LRRC66: variants seen among roughly 807,000 people sequenced by gnomAD.
LRRC66 encodes the protein leucine rich repeat containing 66, also known as leucine-rich repeat-containing protein 66.
A neutral mutation model predicts 24.6 loss-of-function variants in LRRC66; 29 were observed. That is an observed-to-expected ratio of 1.18 (90% CI 0.88 to 1.61). The LOEUF (loss-of-function observed/expected upper bound fraction) is 1.61, where lower values mean the gene tolerates loss of function less well. Among genes scored for constraint, LRRC66 ranks in the 40% most tolerant of loss-of-function variants. The probability of loss-of-function intolerance (pLI) is 0.00; values close to 1 mark genes in which losing one functional copy is unlikely to be tolerated. For missense variants in LRRC66, 1,124 were observed against 1,058.0 expected, an observed-to-expected ratio of 1.06 and a Z score of -0.87; for synonymous variants, 411 against 397.6, an observed-to-expected ratio of 1.03 and a Z score of -0.40.
In LRRC66 at chr4:52,003,255, G is replaced by T. The variant is rs773062477; in HGVS notation, c.634C>A (p.Pro212Thr). ...TTTTTGAGGTCCTTGAAGGCTTGTG[G>T]GGGAATTTTGAATATCTTGTTGCTC... The part of the protein sequence containing the change: ...LKSNKIFKIP[P>T]QAFKDLKKLQ... The change falls in exon 3 of 5, where the codon CCA (proline) becomes ACA (threonine). Residue 212 changes from proline (P) to threonine (T), a missense_variant. By Grantham distance (38) the Pro-to-Thr change is conservative. Coordinates refer to ENST00000682860, the MANE Select transcript of LRRC66 (RefSeq NM_001024611.3). 16 of 1,613,116 alleles carry T rather than the reference G, an allele frequency of 9.9e-6. No homozygotes were observed. In the Admixed American group the frequency reaches 2.0e-4, roughly 20 times the overall value.
chr4:51,995,382 G>T lies in LRRC66; in HGVS notation c.1640C>A (p.Pro547His). ...WTYETVAQEE[P>H]LSAHSVGVSS... The stretch of plus-strand genomic sequence containing the variant: ...GACGCCCACTGAATGTGCACTGAGA[G>T]GCTCTTCCTGGGCCACAGTTTCATA... The change falls in exon 5 of 5, where the codon CCT becomes CAT. Residue 547 changes from proline to histidine, a missense_variant. Coordinates refer to ENST00000682860, the MANE Select transcript of LRRC66 (RefSeq NM_001024611.3). 1 of 1,614,174 alleles carries T rather than the reference G, an allele frequency of 6.2e-7. No individual in the cohort carries two copies. Among genetic ancestry groups the T allele is most frequent in the South Asian group, 1.1e-5 (1 of 91,086 alleles).
At chr4:52,017,990 G>C (rs924235970) in intron 1 of LRRC66, 407 of 985,258 alleles carry the variant, frequency 4.1e-4, no homozygotes, top group Non-Finnish European at 4.5e-4. Flanking sequence ...CATTAATACA[G>C]AGCAAAGTCT....
chr4:52,016,962 C>A (rs944095136), intron 2 of LRRC66, among the ~76,000 whole-genome samples, 156 bp downstream of exon 2: 5 of 152,168 alleles, frequency 3.3e-5, no homozygotes, highest in African/African-American at 1.2e-4. Context: ...CACACTATAA[C>A]TTCCAATGCC....
chr4:51,998,591 C>T (rs760921938), intron 3 of LRRC66, among the ~76,000 whole-genome samples: 3 of 152,174 alleles, frequency 2.0e-5, no homozygotes, highest in Non-Finnish European at 4.4e-5. Context: ...AGTAGTAGTA[C>T]ATTTCTCCAC....
Position 51,994,163 on chromosome 4 carries a change from C to T in LRRC66, c.*216G>A. 1 of 509,042 alleles carries T rather than the reference C, an allele frequency of 2.0e-6. No individual in the cohort carries two copies. Among genetic ancestry groups the T allele is most frequent in the Non-Finnish European group, 3.4e-6 (1 of 297,152 alleles). The allele number at this position is 509,042 out of a possible 1,614,324, so 31.5% of individuals were successfully genotyped here. On this transcript the variant is annotated 3_prime_UTR_variant, in exon 5 of 5. Transcript: ENST00000682860. ...CTTTCACACTGAAGAGCAGGTTCATCCCCATAGGATGTTAACAAGTGTGTT... is the reference window on the plus strand; with the variant it reads ...CTTTCACACTGAAGAGCAGGTTCATTCCCATAGGATGTTAACAAGTGTGTT...
chr4:52,016,500 C>T (rs967281907), intron 2 of LRRC66, among the ~76,000 whole-genome samples: 1 of 151,976 alleles, frequency 6.6e-6, no homozygotes, highest in Admixed American at 6.6e-5. Flanking sequence ...TTGGTGTATC[C>T]GTTAAGGAAC....
intron 2 of LRRC66, 53 bp from the exon 3 acceptor site, chr4:52,003,445 CA>C: frequency 6.6e-7 from 1 of 1,524,218 alleles, no homozygotes; most frequent in Admixed American, 1.8e-5. Flanking sequence ...TTTACTGCAG[CA>C]CTGTTTGTAA....
At chr4:52,014,429 A>T (rs1481789961) in intron 2 of LRRC66, among the ~76,000 whole-genome samples, 1 of 152,244 alleles carries the variant, frequency 6.6e-6, no homozygotes, top group Non-Finnish European at 1.5e-5. Flanking sequence ...ACAGTTTATT[A>T]TGCCAAATAC....
At position 52,014,686 on chromosome 4, in the gene LRRC66, T is replaced by C. The variant is rs140762496; in HGVS notation, c.496+2432A>G. ...TCACAGAATCATAAAATAGGAAAAATTGTTAGAGGAGACTCAACCTAGTGA... is the reference window on the plus strand; with the variant it reads ...TCACAGAATCATAAAATAGGAAAAACTGTTAGAGGAGACTCAACCTAGTGA... On this transcript the variant is annotated intron_variant, in intron 2 of 4. Transcript: ENST00000682860. Among the ~76,000 whole-genome samples the C allele has an allele frequency of 2.8e-3, 419 of 152,256 alleles. 1 individual carries two copies. Among genetic ancestry groups the C allele is most frequent in the Middle Eastern group, 0.014 (4 of 294 alleles).
In LRRC66 at chr4:51,995,411, C is replaced by A. The variant is rs763138480; in HGVS notation, c.1611G>T (p.Trp537Cys). ...CTTCCTGGGCCACAGTTTCATAAGT[C>A]CATTCTCCGAGAATATCATTCCTAT... ...HIHRNDILGEWTYETVAQEEP... is the reference protein window; with the variant it reads ...HIHRNDILGECTYETVAQEEP... The change falls in exon 5 of 5, where the codon TGG becomes TGT. Residue 537 changes from tryptophan to cysteine, a missense_variant. Coordinates refer to ENST00000682860, the MANE Select transcript of LRRC66 (RefSeq NM_001024611.3). The A allele has an allele frequency of 5.6e-6, 9 of 1,614,176 alleles. No homozygotes were observed. In the South Asian group the frequency reaches 9.9e-5, roughly 18 times the overall value.
rs952527660 is a variant in LRRC66, at chr4:51,995,695, G to A, written c.1327C>T (p.Arg443Cys). ...AGGCTTAGATGAGGAAATACTTGGC[G>A]CAGATGGGTCTCTGGGTGTGGTGTG... ...GHTPHPETHLRQVFPHLSLYE... is the reference protein window; with the variant it reads ...GHTPHPETHLCQVFPHLSLYE... Residue 443 changes from arginine to cysteine, a missense_variant, in exon 5 of 5, where the codon CGC becomes TGC. Arg to Cys is a radical substitution (Grantham distance 180). Coordinates refer to ENST00000682860, the MANE Select transcript of LRRC66 (RefSeq NM_001024611.3). The A allele has an allele frequency of 3.0e-5, 49 of 1,613,998 alleles. No homozygotes were observed. Among genetic ancestry groups the A allele is most frequent in the African/African-American group, 4.0e-5 (3 of 74,894 alleles).
Position 51,994,342 on chromosome 4 carries a change from T to C in LRRC66, c.*37A>G. On this transcript the variant is annotated 3_prime_UTR_variant, in exon 5 of 5. Transcript: ENST00000682860. The stretch of plus-strand genomic sequence containing the variant: ...CCTGCCATGATCTTTAAAAGAATAT[T>C]GTTTAGAGCTGTGAATATTTCCTTA... The C allele has an allele frequency of 2.0e-6, 3 of 1,528,016 alleles. No homozygotes were observed. Among genetic ancestry groups the C allele is most frequent in the Non-Finnish European group, 2.7e-6 (3 of 1,130,664 alleles). The allele number at this position is 1,528,016 out of a possible 1,614,324, so 94.7% of individuals were successfully genotyped here.
intron 2 of LRRC66, among the ~76,000 whole-genome samples, chr4:52,005,950 TG>T (rs573763096): frequency 2.7e-4 from 41 of 152,346 alleles, no homozygotes; most frequent in Non-Finnish European, 5.1e-4. Context: ...TCTTTTAATA[TG>T]GGTCTGTCAG....
chr4:51,997,607 T>C, intron 4 of LRRC66, 141 bp downstream of exon 4: 1 of 692,192 alleles, frequency 1.4e-6, no homozygotes, highest in Admixed American at 2.5e-5. Context: ...GATTTTTCTA[T>C]GACACAGCCC....
chr4:52,003,721 CAGTT>C (rs1201719425), intron 2 of LRRC66, among the ~76,000 whole-genome samples: 1 of 152,118 alleles, frequency 6.6e-6, no homozygotes, highest in African/African-American at 2.4e-5. Flanking sequence ...AAACTACTAA[CAGTT>C]AGAGTTAGGA....
In LRRC66 at chr4:52,017,355, T is replaced by C. The variant is rs1197210976; in HGVS notation, c.259A>G (p.Ile87Val). 1 of 1,614,052 alleles carries C rather than the reference T, an allele frequency of 6.2e-7. No homozygotes were observed. The highest frequency in any genetic ancestry group is 8.5e-7 in the Non-Finnish European group (1 of 1,180,030). Reference sequence around the variant, plus strand: ...TTGTTACTGAGGTCCAGATGTTTTATTTTCCACTCTTCTTTTTTCGTGTGA... The same window carrying C: ...TTGTTACTGAGGTCCAGATGTTTTACTTTCCACTCTTCTTTTTTCGTGTGA... ...QSHTKKEEWK[I>V]KHLDLSNNLI... The change falls in exon 2 of 5, where the codon ATA becomes GTA. Residue 87 changes from isoleucine (I) to valine (V), a missense_variant. Ile to Val is a conservative substitution (Grantham distance 29). Coordinates refer to ENST00000682860, the MANE Select transcript of LRRC66 (RefSeq NM_001024611.3).
At chr4:52,012,423 A>G (rs1736725278) in intron 2 of LRRC66, among the ~76,000 whole-genome samples, 1 of 152,114 alleles carries the variant, frequency 6.6e-6, no homozygotes, top group African/African-American at 2.4e-5. Context: ...CTTTACTTTC[A>G]ATTTTAGATA....
chr4:51,994,426 G>C lies in LRRC66; in HGVS notation c.2596C>G (p.Pro866Ala). The C allele has an allele frequency of 6.2e-7, 1 of 1,614,154 alleles. No individual in the cohort carries two copies. Among genetic ancestry groups the C allele is most frequent in the Non-Finnish European group, 8.5e-7 (1 of 1,180,014 alleles). The change falls in exon 5 of 5, where the codon CCT becomes GCT. Residue 866 changes from proline (P) to alanine (A), a missense_variant. Physicochemically the swap from Pro to Ala is conservative, Grantham distance 27. Transcript: ENST00000682860. ...CTTTCATGGAAGGCAGCCTTATCAG[G>C]ATCTGAGGGAACTTCAGCAGAACAT... Reference protein sequence around the residue: ...PPCSAEVPSDPDKAAFHERDS... With the variant: ...PPCSAEVPSDADKAAFHERDS...
chr4:51,997,877 C>G lies in LRRC66; in HGVS notation c.727G>C (p.Glu243Gln). The change falls in exon 4 of 5, where the codon GAA (glutamate) becomes CAA (glutamine). Residue 243 changes from glutamate to glutamine, a missense_variant. Coordinates refer to ENST00000682860, the MANE Select transcript of LRRC66 (RefSeq NM_001024611.3). The stretch of plus-strand genomic sequence containing the variant: ...AAGTCAACCACTAGATGGGGAAATT[C>G]TAGAGCTATGATCATCATTGGTAGG... ...TILPMMIIALEFPHLVVDLAD... is the reference protein window; with the variant it reads ...TILPMMIIALQFPHLVVDLAD... 6.2e-7 allele frequency: 1 copy of G among 1,614,098 alleles called. No individual in the cohort carries two copies. The highest frequency in any genetic ancestry group is 1.3e-5 in the African/African-American group (1 of 75,034).
Sources: allele counts gnomAD v4.1 joint callset (sites outside exome capture counted in the v4.1 genomes callset), GRCh38; gene constraint gnomAD v4.1.1; transcripts MANE v1.5; gene names NCBI Gene and HGNC (gene_info 2026-07-23, HGNC 2026-07-21).